SFTPD: variants seen among roughly 807,000 people sequenced by gnomAD.
SFTPD encodes the protein surfactant protein D, also known as pulmonary surfactant-associated protein D.
Under a neutral mutation model 34.6 loss-of-function variants are expected in SFTPD, and 18 were observed. The ratio of observed to expected loss-of-function variants is 0.52; its 90% CI spans 0.36 to 0.77. SFTPD has a LOEUF of 0.77. Ranked by LOEUF, SFTPD falls within the 30% of genes least tolerant of loss-of-function variation. The probability of loss-of-function intolerance (pLI) is 0.00; values close to 1 mark genes in which losing one functional copy is unlikely to be tolerated. For missense variants in SFTPD, 433 were observed against 468.9 expected, an observed-to-expected ratio of 0.92 and a Z score of 0.71; for synonymous variants, 155 against 180.9, an observed-to-expected ratio of 0.86 and a Z score of 1.15.
intron 2 of SFTPD, among the ~76,000 whole-genome samples, chr10:79,945,848 G>T (rs1042035596): frequency 6.6e-6 from 1 of 152,136 alleles, no homozygotes; most frequent in Admixed American, 6.5e-5. Flanking sequence ...CTCCAGAATG[G>T]TTGCTACTTA....
chr10:79,952,452 C>A (rs1428709393), upstream of SFTPD, among the ~76,000 whole-genome samples: 1 of 152,206 alleles, frequency 6.6e-6, no homozygotes, highest in Non-Finnish European at 1.5e-5. Flanking sequence ...CCTTCAGACC[C>A]CAGAACCATG....
upstream of SFTPD, among the ~76,000 whole-genome samples, chr10:79,951,330 G>A (rs904609938): frequency 3.3e-5 from 5 of 152,076 alleles, no homozygotes; most frequent in African/African-American, 9.7e-5. Flanking sequence ...TCTTACTTTT[G>A]AACTTACTCT....
At chr10:79,963,175 TC>T (rs1191618859) in intron 1 of SFTPD, among the ~76,000 whole-genome samples, 2 of 152,066 alleles carry the variant, frequency 1.3e-5, no homozygotes, top group Non-Finnish European at 2.9e-5. Context: ...AGACCTTGTC[TC>T]TGCAAAAAAT....
rs1168860859 is a variant in SFTPD, at chr10:79,969,824, C to T, written c.36+12751G>A. On this transcript the variant is annotated intron_variant, in intron 1 of 5. Transcript: ENST00000444384. ...ATGTAGAGTTTGCAAATATTTTCTC[C>T]CATTCTGTAGGTTCTTTTAACTCTG... 3.3e-5 allele frequency: 5 copies of T among 152,170 alleles called. No individual in the cohort carries two copies. The East Asian group carries it at 5.8e-4, about 18-fold the overall frequency. 9.4% of individuals were successfully genotyped at this position (152,170 alleles called of 1,614,324 possible).
At position 79,941,378 on chromosome 10, in the gene SFTPD, G is replaced by A. The variant is rs779497600; in HGVS notation, c.667+20C>T. 2.2e-5 allele frequency: 35 copies of A among 1,605,962 alleles called. No individual in the cohort carries two copies. Among genetic ancestry groups the A allele is most frequent in the Non-Finnish European group, 8.5e-7 (1 of 1,172,806 alleles). On this transcript the variant is annotated intron_variant, in intron 6 of 7. Coordinates refer to ENST00000372292, the MANE Select transcript of SFTPD (RefSeq NM_003019.5). ...CCATGCCCCAGCGGGGCTTCCCTGG[G>A]CCAGGAGCTGCTACCTTACCTGGAA...
chr10:79,967,800 A>T (rs532339521), intron 1 of SFTPD, among the ~76,000 whole-genome samples: 1 of 152,274 alleles, frequency 6.6e-6, no homozygotes, highest in Non-Finnish European at 1.5e-5. Context: ...TTCCTGCCTT[A>T]ACTGATGACA....
chr10:79,946,523 C>T lies in SFTPD; in HGVS notation c.137G>A (p.Gly46Asp). Residue 46 changes from glycine to aspartate, a missense_variant, in exon 2 of 8, where the codon GGC becomes GAC. Coordinates refer to ENST00000372292, the MANE Select transcript of SFTPD (RefSeq NM_003019.5). ...TLVMCSSVES[G>D]LPGRDGRDGR... ...ATCCCGTCCATCGCGACCAGGCAGG[C>T]CACTCTCCACTGAGCTACACATGAC... The T allele has an allele frequency of 6.2e-7, 1 of 1,614,170 alleles. No individual in the cohort carries two copies.
chr10:79,943,945 G>C (rs1842641092), intron 2 of SFTPD, among the ~76,000 whole-genome samples: 1 of 152,244 alleles, frequency 6.6e-6, no homozygotes, highest in East Asian at 1.9e-4. Context: ...CTCCAGAAGA[G>C]AGTGTTAGAG....
chr10:79,942,086 A>G lies in SFTPD; in HGVS notation c.434-16T>C, dbSNP rs778460325. On this transcript the variant is annotated splice_polypyrimidine_tract_variant and intron_variant, in intron 4 of 7. Transcript: ENST00000372292. ...CCTACTTCTCCTGAAGAAGGAACAC[A>G]CAGGAACAAACACAGCTAAGAGCGC... 1.7e-5 allele frequency: 26 copies of G among 1,560,708 alleles called. No individual in the cohort carries two copies. Among genetic ancestry groups the G allele is most frequent in the Admixed American group, 3.4e-5 (2 of 58,952 alleles).
chr10:79,948,979 A>G (rs1463545477), intron 1 of SFTPD, 87 bp downstream of exon 1: 1 of 152,148 alleles, frequency 6.6e-6, no homozygotes, highest in Non-Finnish European at 1.5e-5. Context: ...GACCCTCCAC[A>G]CCAATAGGTT....
intron 1 of SFTPD, among the ~76,000 whole-genome samples, chr10:79,978,885 A>G (rs1335555662): frequency 2.0e-5 from 3 of 151,118 alleles, no homozygotes; most frequent in African/African-American, 7.4e-5. Flanking sequence ...AGGCACCCAA[A>G]TGAAAGAAAG....
chr10:79,964,325 A>T (rs540977487), intron 1 of SFTPD, among the ~76,000 whole-genome samples: 1 of 152,304 alleles, frequency 6.6e-6, no homozygotes, highest in South Asian at 2.1e-4. Flanking sequence ...AGGAAACTGG[A>T]GTCATTCACT....
chr10:79,955,551 C>T (rs1842733919), intron 1 of SFTPD, among the ~76,000 whole-genome samples: 1 of 152,192 alleles, frequency 6.6e-6, no homozygotes, highest in Non-Finnish European at 1.5e-5. Flanking sequence ...CCCCCTCTCT[C>T]CACCACAACC....
intron 1 of SFTPD, among the ~76,000 whole-genome samples, chr10:79,975,036 A>C (rs959559233): frequency 6.6e-6 from 1 of 151,796 alleles, no homozygotes; most frequent in Non-Finnish European, 1.5e-5. Flanking sequence ...ATGTAGCTAT[A>C]ATATTTCCCT....
rs537527909 is a variant in SFTPD, at chr10:79,977,030, C to T, written c.36+5545G>A. The stretch of plus-strand genomic sequence containing the variant: ...CCTCCCACCATAATTCTGAGGCCTC[C>T]CCAGACACGTGGAACTGTAAATCCA... On this transcript the variant is annotated intron_variant, in intron 1 of 5. Transcript: ENST00000444384. Among the ~76,000 whole-genome samples the T allele has an allele frequency of 2.4e-4, 37 of 152,242 alleles. 1 individual carries two copies. The highest frequency in any genetic ancestry group is 8.7e-4 in the African/African-American group (36 of 41,554).
chr10:79,951,382 A>G (rs897346834), upstream of SFTPD, among the ~76,000 whole-genome samples: 13 of 152,152 alleles, frequency 8.5e-5, no homozygotes, highest in African/African-American at 2.9e-4. Context: ...GTGTGACTGT[A>G]TGTTGTGTGT....
At chr10:79,946,788 T>C in intron 1 of SFTPD, 126 bp from the exon 2 acceptor site, 3 of 831,748 alleles carry the variant, frequency 3.6e-6, no homozygotes, top group African/African-American at 1.7e-5. Context: ...CTATGGGGCC[T>C]AGAGCAGCAG....
upstream of SFTPD, among the ~76,000 whole-genome samples, chr10:79,951,830 G>T (rs535191120): frequency 2.0e-5 from 3 of 152,284 alleles, no homozygotes; most frequent in Admixed American, 2.0e-4. Context: ...AAACTGAGGG[G>T]CACTAAACGA....
chr10:79,982,315 C>G, intron 1 of SFTPD: 1 of 964,402 alleles, frequency 1.0e-6, no homozygotes, highest in Non-Finnish European at 1.3e-6. Context: ...CCAGTGGGCA[C>G]CAGCCCAGCG....
Sources: allele counts gnomAD v4.1 joint callset (sites outside exome capture counted in the v4.1 genomes callset), GRCh38; gene constraint gnomAD v4.1.1; transcripts MANE v1.5; gene names NCBI Gene and HGNC (gene_info 2026-07-23, HGNC 2026-07-21).